Variants in TSPAN12 observed in about 807,000 individuals in gnomAD.
TSPAN12 encodes the protein tetraspanin-12.
In TSPAN12, 19 loss-of-function variants were observed where a neutral mutation model predicts 39.2. That is an observed-to-expected ratio of 0.49 (90% CI 0.34 to 0.71). The LOEUF (loss-of-function observed/expected upper bound fraction) is 0.71, where lower values mean the gene tolerates loss of function less well. Ranked by LOEUF, TSPAN12 falls within the 30% of genes least tolerant of loss-of-function variation. The probability of loss-of-function intolerance (pLI) is 0.01; values close to 1 mark genes in which losing one functional copy is unlikely to be tolerated. For synonymous variants in TSPAN12, 119 were observed against 124.8 expected (o/e 0.95, Z 0.31); for missense variants, 314 against 359.9 (o/e 0.87, Z 1.03).
intron 4 of TSPAN12, among the ~76,000 whole-genome samples, chr7:120,833,997 C>A (rs576030484): frequency 6.6e-6 from 1 of 152,136 alleles, no homozygotes; most frequent in East Asian, 1.9e-4. Context: ...ATGGCATATT[C>A]CAGTTTCTTT....
intron 6 of TSPAN12, among the ~76,000 whole-genome samples, chr7:120,809,975 G>A (rs1793945948): frequency 6.6e-6 from 1 of 152,078 alleles, no homozygotes; most frequent in South Asian, 2.1e-4. Context: ...AATTATAGAA[G>A]CTCACTTAAT....
intron 3 of TSPAN12, among the ~76,000 whole-genome samples, 183 bp from the exon 4 acceptor site, chr7:120,839,095 C>T (rs1258971198): frequency 6.6e-6 from 1 of 151,932 alleles, no homozygotes; most frequent in Admixed American, 6.6e-5. Context: ...TGCTCGGTTG[C>T]TTTATTTTTG....
intron 4 of TSPAN12, among the ~76,000 whole-genome samples, chr7:120,817,850 T>C (rs1297177660): frequency 6.6e-6 from 1 of 152,170 alleles, no homozygotes; most frequent in Non-Finnish European, 1.5e-5. Context: ...AATATCCTCC[T>C]TCACTGGACT....
chr7:120,846,017 G>A (rs1794662204), intron 2 of TSPAN12, among the ~76,000 whole-genome samples: 1 of 152,208 alleles, frequency 6.6e-6, no homozygotes. Context: ...GGATGTACAG[G>A]AAGCATGGCT....
intron 2 of TSPAN12, among the ~76,000 whole-genome samples, chr7:120,840,923 T>C (rs1292211245): frequency 6.6e-6 from 1 of 152,228 alleles, no homozygotes; most frequent in East Asian, 1.9e-4. Context: ...ATCAGGTCAT[T>C]GGTTCTCAAT....
In TSPAN12 at chr7:120,841,467, T is replaced by C. The variant is rs556398203; in HGVS notation, c.67-1358A>G. On this transcript the variant is annotated intron_variant, in intron 2 of 7. Transcript: ENST00000222747. ...AAGGAGAAACTCTTATAGGTTAAAATAGATTTAAGACATGACCCAGTGCAA... is the reference window on the plus strand; with the variant it reads ...AAGGAGAAACTCTTATAGGTTAAAACAGATTTAAGACATGACCCAGTGCAA... Among the ~76,000 whole-genome samples the C allele has an allele frequency of 1.6e-4, 24 of 152,188 alleles. No individual in the cohort carries two copies. In the East Asian group the frequency reaches 4.5e-3, roughly 28 times the overall value.
chr7:120,811,528 G>A (rs1488224960), intron 5 of TSPAN12, among the ~76,000 whole-genome samples: 2 of 151,894 alleles, frequency 1.3e-5, no homozygotes, highest in African/African-American at 2.4e-5. Flanking sequence ...AAAATTAGCC[G>A]GTGTAGTGGC....
At chr7:120,810,057 T>C (rs1793948853) in intron 6 of TSPAN12, among the ~76,000 whole-genome samples, 1 of 152,138 alleles carries the variant, frequency 6.6e-6, no homozygotes. Flanking sequence ...TATACTGACT[T>C]CAAAGTCCCA....
At chr7:120,835,818 A>C (rs1034966733) in intron 4 of TSPAN12, among the ~76,000 whole-genome samples, 1 of 152,236 alleles carries the variant, frequency 6.6e-6, no homozygotes, top group African/African-American at 2.4e-5. Context: ...TGGGCTAGTA[A>C]TATTTAAATG....
intron 6 of TSPAN12, among the ~76,000 whole-genome samples, chr7:120,810,151 T>C (rs562101981): frequency 6.6e-6 from 1 of 152,320 alleles, no homozygotes; most frequent in African/African-American, 2.4e-5. Context: ...TCTATTTGTC[T>C]GGAACTTGGA....
chr7:120,810,339 G>T, intron 6 of TSPAN12, 124 bp downstream of exon 6: 1 of 709,642 alleles, frequency 1.4e-6, no homozygotes, highest in Non-Finnish European at 2.6e-6. Flanking sequence ...TGCACCAGAG[G>T]TTACTGAATC....
chr7:120,847,594 C>T (rs192601005), intron 2 of TSPAN12, among the ~76,000 whole-genome samples: 63 of 152,274 alleles, frequency 4.1e-4, no homozygotes, highest in African/African-American at 1.5e-3. Flanking sequence ...GGAAGCTGAA[C>T]CTCTCCCTTT....
intron 2 of TSPAN12, among the ~76,000 whole-genome samples, chr7:120,847,472 T>A (rs1040323831): frequency 1.1e-4 from 16 of 152,138 alleles, no homozygotes; most frequent in Non-Finnish European, 1.5e-5. Context: ...AATTTCAACA[T>A]CTCTAACACT....
At chr7:120,827,289 T>C (rs1315591409) in intron 4 of TSPAN12, among the ~76,000 whole-genome samples, 3 of 152,132 alleles carry the variant, frequency 2.0e-5, no homozygotes, top group Non-Finnish European at 4.4e-5. Context: ...TTAAAGGAAA[T>C]AGTTTCGTTT....
chr7:120,841,232 G>C (rs150497197), intron 2 of TSPAN12, among the ~76,000 whole-genome samples: 1 of 152,176 alleles, frequency 6.6e-6, no homozygotes, highest in Non-Finnish European at 1.5e-5. Flanking sequence ...AAATTCCTAT[G>C]AAGTATTTTC....
intron 5 of TSPAN12, among the ~76,000 whole-genome samples, 167 bp downstream of exon 5, chr7:120,815,562 T>G (rs1374523232): frequency 1.3e-5 from 2 of 152,204 alleles, no homozygotes; most frequent in Non-Finnish European, 2.9e-5. Flanking sequence ...GCCATGATTG[T>G]AAGTTTCCTG....
chr7:120,834,175 T>C, intron 4 of TSPAN12, among the ~76,000 whole-genome samples: 1 of 152,212 alleles, frequency 6.6e-6, no homozygotes, highest in East Asian at 1.9e-4. Context: ...CCTATGTCCA[T>C]TTAAATTTAA....
At chr7:120,812,676 C>T (rs550128212) in intron 5 of TSPAN12, among the ~76,000 whole-genome samples, 88 of 151,930 alleles carry the variant, frequency 5.8e-4, no homozygotes, top group African/African-American at 1.9e-3. Context: ...ATGGGCTAAA[C>T]GGGTGTACTT....
intron 4 of TSPAN12, among the ~76,000 whole-genome samples, chr7:120,823,931 A>T (rs931351897): frequency 6.6e-6 from 1 of 152,222 alleles, no homozygotes; most frequent in African/African-American, 2.4e-5. Flanking sequence ...AAGTCTTGGT[A>T]GCTGAAGGAC....
Sources: allele counts gnomAD v4.1 joint callset (sites outside exome capture counted in the v4.1 genomes callset), GRCh38; gene constraint gnomAD v4.1.1; transcripts MANE v1.5; gene names NCBI Gene and HGNC (gene_info 2026-07-23, HGNC 2026-07-21).